The following KLF17 variants were observed in gnomAD, a reference collection of about 807,000 sequenced individuals.
KLF17 encodes the protein KLF transcription factor 17.
A neutral mutation model predicts 34.2 loss-of-function variants in KLF17; 31 were observed. That is an observed-to-expected ratio of 0.91 (90% CI 0.68 to 1.22). The LOEUF (loss-of-function observed/expected upper bound fraction) is 1.22. Ranked by LOEUF, KLF17 falls within the 50% of genes most tolerant of loss-of-function variation. The pLI is 0.00. For synonymous variants in KLF17, 179 were observed against 186.7 expected, an observed-to-expected ratio of 0.96 and a Z score of 0.34; for missense variants, 478 against 505.2, an observed-to-expected ratio of 0.95 and a Z score of 0.52.
the KLF17 span, among the ~76,000 whole-genome samples, chr1:44,073,628 A>G: frequency 6.6e-6 from 1 of 152,022 alleles, no homozygotes; most frequent in Non-Finnish European, 1.5e-5. Flanking sequence ...GAGGAACTGA[A>G]TCCTTTTGTT....
chr1:44,085,130 A>G, the KLF17 span, among the ~76,000 whole-genome samples: 1 of 151,856 alleles, frequency 6.6e-6, no homozygotes, highest in East Asian at 1.9e-4. Flanking sequence ...ATGTGTGTGT[A>G]TATATATGTG....
At chr1:44,048,039 T>TGTGTGTGTGC in the KLF17 span, 1 of 146,780 alleles carries the variant, frequency 6.8e-6, no homozygotes, top group Non-Finnish European at 1.5e-5. Context: ...TGTGTGTGTG[T>TGTGTGTGTGC]GCACGTGCAC....
chr1:44,130,676 A>G lies in KLF17; in HGVS notation c.1090A>G (p.Thr364Ala). The change falls in exon 3 of 4, where the codon ACT (threonine) becomes GCT (alanine). Residue 364 changes from threonine to alanine, a missense_variant. Physicochemically the swap from Thr to Ala is moderately conservative, Grantham distance 58 (BLOSUM62 0). Coordinates refer to ENST00000372299, the MANE Select transcript of KLF17 (RefSeq NM_173484.4). ...RSDHLKQHQK[T>A]HRPGPSDPQA... ...TGACCATCTCAAGCAACACCAGAAG[A>G]CTCATCGGCCGGGACCCTCAGACCC... 1.9e-6 allele frequency: 3 copies of G among 1,613,846 alleles called. No homozygotes were observed. Among genetic ancestry groups the G allele is most frequent in the Non-Finnish European group, 1.7e-6 (2 of 1,179,954 alleles).
the KLF17 span, among the ~76,000 whole-genome samples, chr1:44,097,956 G>A: frequency 3.3e-5 from 5 of 152,128 alleles, no homozygotes; most frequent in East Asian, 9.6e-4. Flanking sequence ...TGCATCCCTG[G>A]TATGAATTCC....
chr1:44,107,327 AC>A, the KLF17 span: 1 of 151,784 alleles, frequency 6.6e-6, no homozygotes, highest in African/African-American at 2.4e-5. Context: ...CTGGTCTCGA[AC>A]TCCTGACCTT....
the KLF17 span, among the ~76,000 whole-genome samples, chr1:44,070,114 A>G: frequency 6.6e-6 from 1 of 152,166 alleles, no homozygotes. Context: ...TCTGTAGCCT[A>G]TAAACATGAT....
the KLF17 span, among the ~76,000 whole-genome samples, chr1:44,072,004 G>A: frequency 1.1e-4 from 16 of 152,052 alleles, no homozygotes; most frequent in African/African-American, 3.1e-4. Flanking sequence ...GGGGGGACGG[G>A]GGGACAATCA....
the KLF17 span, among the ~76,000 whole-genome samples, chr1:44,105,975 G>T: frequency 6.6e-6 from 1 of 152,046 alleles, no homozygotes; most frequent in African/African-American, 2.4e-5. Context: ...ACCAGCCTGG[G>T]CAACATAGTG....
intron 1 of KLF17, among the ~76,000 whole-genome samples, chr1:44,121,123 C>T (rs2087940702): frequency 6.6e-6 from 1 of 152,000 alleles, no homozygotes; most frequent in Admixed American, 6.6e-5. Context: ...TATATATATA[C>T]ACTTTCTTTT....
the KLF17 span, chr1:44,045,875 C>G: frequency 6.7e-6 from 1 of 148,284 alleles, no homozygotes; most frequent in Non-Finnish European, 1.5e-5. Flanking sequence ...TAGACACCAC[C>G]ATCAGCAACA....
rs1372961940 is a variant in KLF17 at position 44,134,182 on chromosome 1, C to T, written c.*945C>T. ...ATGTGCACTACAATGGTGGGCAAAA[C>T]AGGCTCCTGCTCTTGTGGAGGTCAC... On this transcript the variant is annotated 3_prime_UTR_variant, in exon 4 of 4. Transcript: ENST00000372299. The T allele has an allele frequency of 1.3e-5, 2 of 152,256 alleles. No individual in the cohort carries two copies. The highest frequency in any genetic ancestry group is 2.9e-5 in the Non-Finnish European group (2 of 68,094). 9.4% of individuals were successfully genotyped at this position (152,256 alleles called of 1,614,324 possible).
chr1:44,132,684 TA>T (rs2088125311), intron 3 of KLF17, among the ~76,000 whole-genome samples: 1 of 151,948 alleles, frequency 6.6e-6, no homozygotes, highest in African/African-American at 2.4e-5. Context: ...GAGGAGGACC[TA>T]AGCCTGGGGC....
intron 1 of KLF17, among the ~76,000 whole-genome samples, chr1:44,128,153 C>T (rs937688330): frequency 1.3e-5 from 2 of 152,180 alleles, no homozygotes; most frequent in Non-Finnish European, 2.9e-5. Flanking sequence ...ACAATCTCAG[C>T]TTACTGCAAC....
the KLF17 span, among the ~76,000 whole-genome samples, chr1:44,084,020 A>G: frequency 6.6e-6 from 1 of 152,180 alleles, no homozygotes; most frequent in African/African-American, 2.4e-5. Context: ...GTTTCTGTGC[A>G]TGGAAAGTTT....
At chr1:44,127,718 TTTTC>T (rs1472744822) in intron 1 of KLF17, among the ~76,000 whole-genome samples, 16 of 108,624 alleles carry the variant, frequency 1.5e-4, no homozygotes, top group South Asian at 5.7e-4. Flanking sequence ...CTTTCTTCTC[TTTTC>T]TTTCTTTCTT....
chr1:44,125,215 A>G (rs1459282107), intron 1 of KLF17, among the ~76,000 whole-genome samples: 1 of 152,196 alleles, frequency 6.6e-6, no homozygotes, highest in African/African-American at 2.4e-5. Flanking sequence ...TTCTTGCAGG[A>G]CATGTCTAGT....
At chr1:44,097,318 T>C in the KLF17 span, among the ~76,000 whole-genome samples, 1 of 152,216 alleles carries the variant, frequency 6.6e-6, no homozygotes, top group African/African-American at 2.4e-5. Flanking sequence ...AGCTTTGTTC[T>C]TTTTGCTTAG....
chr1:44,053,452 T>C, the KLF17 span, among the ~76,000 whole-genome samples: 1 of 152,014 alleles, frequency 6.6e-6, no homozygotes, highest in Non-Finnish European at 1.5e-5. Context: ...TCCAGTCCCC[T>C]AGTTCTGGGG....
chr1:44,083,907 C>T, the KLF17 span, among the ~76,000 whole-genome samples: 3 of 151,918 alleles, frequency 2.0e-5, no homozygotes, highest in Non-Finnish European at 4.4e-5. Flanking sequence ...AAGCCGGGAT[C>T]GTCCTCTCTA....
Sources: allele counts gnomAD v4.1 joint callset (sites outside exome capture counted in the v4.1 genomes callset), GRCh38; gene constraint gnomAD v4.1.1; transcripts MANE v1.5; gene names NCBI Gene and HGNC (gene_info 2026-07-23, HGNC 2026-07-21).